ANKRD12: variants seen among roughly 807,000 people sequenced by gnomAD.
The protein encoded by ANKRD12 is ankyrin repeat domain-containing protein 12.
In ANKRD12, 85 loss-of-function variants were observed where a neutral mutation model predicts 183.4. The ratio of observed to expected loss-of-function variants is 0.46; its 90% confidence interval spans 0.39 to 0.56. The LOEUF (loss-of-function observed/expected upper bound fraction) is 0.56. Among genes scored for constraint, ANKRD12 ranks in the 20% least tolerant of loss-of-function variants. The probability of loss-of-function intolerance (pLI) is 0.00; values close to 1 mark genes in which losing one functional copy is unlikely to be tolerated. For synonymous variants in ANKRD12, 914 were observed against 800.2 expected (o/e 1.14, Z -2.40); for missense variants, 2,405 against 2,357.1 (o/e 1.02, Z -0.42).
chr18:9,255,074 A>G lies in ANKRD12; in HGVS notation c.1807A>G (p.Lys603Glu), dbSNP rs1391656471. The change falls in exon 9 of 13, where the codon AAG (lysine) becomes GAG (glutamate). Residue 603 changes from lysine (K) to glutamate (E), a missense_variant. Lys to Glu is a moderately conservative substitution (Grantham distance 56). This residue lies in a region of ANKRD12 where 1,983 missense variants were observed against 1,725.9 expected (regional missense o/e 1.15). Coordinates refer to ENST00000262126, the MANE Select transcript of ANKRD12 (RefSeq NM_015208.5). Reference sequence around the variant, plus strand: ...TTCAAGTGTAAAATCTTGTAAGCATAAGGAAAAAAGCAAACATCAGAAAGA... The same window carrying G: ...TTCAAGTGTAAAATCTTGTAAGCATGAGGAAAAAAGCAAACATCAGAAAGA... Reference protein sequence around the residue: ...ESSSVKSCKHKEKSKHQKDFH... With the variant: ...ESSSVKSCKHEEKSKHQKDFH... 5 of 1,581,314 alleles carry G rather than the reference A, an allele frequency of 3.2e-6. No individual in the cohort carries two copies. The highest frequency in any genetic ancestry group is 2.2e-5 in the East Asian group (1 of 44,462).
At chr18:9,168,322 G>A (rs565120416) in intron 1 of ANKRD12, among the ~76,000 whole-genome samples, 16 of 152,120 alleles carry the variant, frequency 1.1e-4, no homozygotes, top group Non-Finnish European at 1.8e-4. Flanking sequence ...ACCTCTGGTA[G>A]AATTCGGCTG....
rs1567902847 is a variant in ANKRD12 at position 9,195,562 on chromosome 18, G to A, written c.99G>A (p.Lys33=). 1 of 1,604,694 alleles carries A rather than the reference G, an allele frequency of 6.2e-7. No individual in the cohort carries two copies. The highest frequency in any genetic ancestry group is 8.5e-7 in the Non-Finnish European group (1 of 1,174,984). Residue 33 remains lysine (K), a synonymous_variant, in exon 3 of 13, where the codon AAG becomes AAA. Coordinates refer to ENST00000262126, the MANE Select transcript of ANKRD12 (RefSeq NM_015208.5). ...EKPYGRKSKD[K]IASYSKTPKI... is the part of the protein sequence containing the mutation. Reference sequence around the variant, plus strand: ...TGACTTTTTAATAGAGTAAAGACAAGATTGCATCCTACAGCAAAACTCCAA... The same window carrying A: ...TGACTTTTTAATAGAGTAAAGACAAAATTGCATCCTACAGCAAAACTCCAA...
chr18:9,223,250 CCTCT>C (rs1598608150), intron 8 of ANKRD12, among the ~76,000 whole-genome samples: 1 of 150,146 alleles, frequency 6.7e-6, no homozygotes, highest in African/African-American at 2.5e-5. Flanking sequence ...TGAAACCCCA[CCTCT>C]CTCTCTTTTT....
At position 9,258,988 on chromosome 18, in the gene ANKRD12, G is replaced by C; in HGVS notation, c.5664+57G>C. 4.0e-6 allele frequency: 6 copies of C among 1,492,570 alleles called. No individual in the cohort carries two copies. The South Asian group carries it at 8.7e-5, about 22-fold the overall frequency. The allele number at this position is 1,492,570 out of a possible 1,614,324, so 92.5% of individuals were successfully genotyped here. ...TAACACTGCCCAATAGAAGTATAAT[G>C]CTAGCCACATACGTAATTTGAAGTT... On this transcript the variant is annotated intron_variant, in intron 9 of 12. Transcript: ENST00000262126.
At chr18:9,146,048 G>T (rs115030279) in intron 1 of ANKRD12, among the ~76,000 whole-genome samples, 13 of 152,228 alleles carry the variant, frequency 8.5e-5, no homozygotes, top group African/African-American at 3.1e-4. Context: ...ACTGAAATAG[G>T]TCTCTTCAAA....
intron 8 of ANKRD12, among the ~76,000 whole-genome samples, chr18:9,244,981 T>C (rs1035328803): frequency 1.2e-4 from 18 of 152,206 alleles, no homozygotes; most frequent in African/African-American, 4.3e-4. Context: ...TTTGTGACTT[T>C]CTACCATGAA....
intron 8 of ANKRD12, among the ~76,000 whole-genome samples, chr18:9,245,302 T>G (rs1015058309): frequency 2.7e-5 from 4 of 149,306 alleles, no homozygotes; most frequent in African/African-American, 9.9e-5. Context: ...AAAAAAAAAA[T>G]TAGCCAAGCT....
Position 9,216,734 on chromosome 18 carries a change from GTTAAA to G in ANKRD12, c.653-19_653-15del. On this transcript the variant is annotated intron_variant, in intron 6 of 12. Coordinates refer to ENST00000262126, the MANE Select transcript of ANKRD12 (RefSeq NM_015208.5). Reference sequence around the variant, plus strand: ...TTTTGAAGTAGCGCAAGTGAATCATGTTAAATTAATAATCTAACTTTAGGTTGGAC... The same window carrying G: ...TTTTGAAGTAGCGCAAGTGAATCATGTTAATAATCTAACTTTAGGTTGGAC... 1 of 1,607,998 alleles carries G rather than the reference GTTAAA, an allele frequency of 6.2e-7. No individual in the cohort carries two copies. The highest frequency in any genetic ancestry group is 8.5e-7 in the Non-Finnish European group (1 of 1,176,852).
In ANKRD12 at chr18:9,167,230, G is replaced by A. The variant is rs532884203; in HGVS notation, c.-51-15152G>A. Among the ~76,000 whole-genome samples the A allele has an allele frequency of 1.5e-4, 22 of 148,330 alleles. No individual in the cohort carries two copies. The South Asian group carries it at 4.6e-3, about 31-fold the overall frequency. On this transcript the variant is annotated intron_variant, in intron 1 of 12. Transcript: ENST00000262126. The stretch of plus-strand genomic sequence containing the variant: ...TTTTTGGTTCCATATGAACTTTAAA[G>A]TAGTTTTTTCCAATTCTGTGAAGAA...
rs1240470514 is a variant in ANKRD12 at position 9,254,481 on chromosome 18, CCTT to C, written c.1217_1219del (p.Phe406del). ...CATTTATTTGCAAAACAGGAGAAAG[CCTT>C]CTATCCTAAATCATTTAAAAGTAAA... On this transcript the variant is annotated inframe_deletion, in exon 9 of 13. Coordinates refer to ENST00000262126, the MANE Select transcript of ANKRD12 (RefSeq NM_015208.5). 6.4e-7 allele frequency: 1 copy of C among 1,557,412 alleles called. No individual in the cohort carries two copies. The highest frequency in any genetic ancestry group is 8.6e-7 in the Non-Finnish European group (1 of 1,158,464).
rs1029989901 is a variant in ANKRD12, at chr18:9,229,935, TG to T, written c.943+7937del. 6.6e-5 allele frequency among the ~76,000 whole-genome samples: 10 copies of T among 152,302 alleles called. No individual in the cohort carries two copies. The South Asian group carries it at 1.9e-3, about 28-fold the overall frequency. On this transcript the variant is annotated intron_variant, in intron 8 of 12. Transcript: ENST00000262126. ...ATGTTGGCCTATAGTTTTCTTTTTT[TG>T]TTGTGTCCTTCTCTGGTTGTGGAAT...
At chr18:9,179,662 C>T (rs981243769) in intron 1 of ANKRD12, among the ~76,000 whole-genome samples, 6 of 151,988 alleles carry the variant, frequency 3.9e-5, no homozygotes, top group African/African-American at 7.3e-5. Context: ...ACCACCTGCA[C>T]GGACCACCAT....
chr18:9,246,113 C>G (rs1567959865), intron 8 of ANKRD12, among the ~76,000 whole-genome samples: 1 of 152,114 alleles, frequency 6.6e-6, no homozygotes, highest in Non-Finnish European at 1.5e-5. Flanking sequence ...TCATTTTAAC[C>G]TTTTACTAAT....
In ANKRD12 at chr18:9,254,850, A is replaced by G; in HGVS notation, c.1583A>G (p.Lys528Arg). Residue 528 changes from lysine to arginine, a missense_variant, in exon 9 of 13, where the codon AAA becomes AGA. Transcript: ENST00000262126. The part of the protein sequence containing the change: ...EGNFRKSFSP[K>R]DDTSLHLFHI... ...AACTTTAGGAAATCTTTTAGCCCAA[A>G]AGATGATACTTCATTACATTTATTT... 6.6e-7 allele frequency: 1 copy of G among 1,506,544 alleles called. No individual in the cohort carries two copies. Among genetic ancestry groups the G allele is most frequent in the Non-Finnish European group, 8.8e-7 (1 of 1,131,334 alleles). The allele number at this position is 1,506,544 out of a possible 1,614,324, so 93.3% of individuals were successfully genotyped here.
In ANKRD12 at chr18:9,258,553, T is replaced by G; in HGVS notation, c.5286T>G (p.Ser1762Arg). ...GTACACTATTATCAGAAAAAGACAG[T>G]GAATCCTCATCTCCTAGAGGAAGAA... ...ASCTLLSEKD[S>R]ESSSPRGRIR... The change falls in exon 9 of 13, where the codon AGT (serine) becomes AGG (arginine). Residue 1762 changes from serine (S) to arginine (R), a missense_variant. Physicochemically the swap from Ser to Arg is moderately radical, Grantham distance 110. This residue lies in a region of ANKRD12 where 1,983 missense variants were observed against 1,725.9 expected (regional missense o/e 1.15). Coordinates refer to ENST00000262126, the MANE Select transcript of ANKRD12 (RefSeq NM_015208.5). The G allele has an allele frequency of 6.2e-7, 1 of 1,613,796 alleles. No individual in the cohort carries two copies. Among genetic ancestry groups the G allele is most frequent in the Non-Finnish European group, 8.5e-7 (1 of 1,179,906 alleles).
intron 1 of ANKRD12, among the ~76,000 whole-genome samples, chr18:9,144,533 T>C (rs368394441): frequency 6.6e-6 from 1 of 152,196 alleles, no homozygotes; most frequent in Non-Finnish European, 1.5e-5. Flanking sequence ...ACAGAATCTT[T>C]TGAGCATAAG....
intron 8 of ANKRD12, among the ~76,000 whole-genome samples, chr18:9,237,834 A>C (rs1189093020): frequency 6.6e-6 from 1 of 152,182 alleles, no homozygotes; most frequent in Non-Finnish European, 1.5e-5. Context: ...GGAAAGGTCA[A>C]AGTACAGTCG....
chr18:9,174,517 G>C (rs189485528), intron 1 of ANKRD12, among the ~76,000 whole-genome samples: 3 of 152,352 alleles, frequency 2.0e-5, no homozygotes, highest in East Asian at 3.9e-4. Context: ...GGGATCTCCT[G>C]ATCCATGGTT....
chr18:9,280,340 G>A (rs917511780), intron 12 of ANKRD12, among the ~76,000 whole-genome samples: 18 of 152,154 alleles, frequency 1.2e-4, no homozygotes, highest in African/African-American at 4.3e-4. Flanking sequence ...CTTGCTTGCC[G>A]CCACTCACCT....
Sources: allele counts gnomAD v4.1 joint callset (sites outside exome capture counted in the v4.1 genomes callset), GRCh38; gene constraint gnomAD v4.1.1; regional missense constraint gnomAD v4.1.1; transcripts MANE v1.5; gene names NCBI Gene and HGNC (gene_info 2026-07-23, HGNC 2026-07-21).